The following LRP2 variants were observed in gnomAD, a reference collection of about 807,000 sequenced individuals.
The protein encoded by LRP2 is low-density lipoprotein receptor-related protein 2.
In LRP2, 172 loss-of-function variants were observed where a neutral mutation model predicts 531.0. The observed-to-expected ratio is 0.32, with a 90% confidence interval of 0.29 to 0.37. The LOEUF (loss-of-function observed/expected upper bound fraction) is 0.37. LRP2 is among the 10% of genes least tolerant of loss of function. LRP2 has a pLI of 1.00. For missense variants in LRP2, 5,167 were observed against 5,868.3 expected (o/e 0.88, Z 3.90); for synonymous variants, 1,992 against 2,027.6 (o/e 0.98, Z 0.47).
intron 77 of LRP2, among the ~76,000 whole-genome samples, chr2:169,130,979 G>A (rs1558967601): frequency 6.6e-6 from 1 of 152,184 alleles, no homozygotes; most frequent in Non-Finnish European, 1.5e-5. Context: ...TCCTGCACCA[G>A]CTGGGGAAAA....
At chr2:169,235,519 G>A (rs1406755385) in intron 29 of LRP2, among the ~76,000 whole-genome samples, 6 of 152,130 alleles carry the variant, frequency 3.9e-5, no homozygotes, top group South Asian at 4.1e-4. Flanking sequence ...GATCACAGGC[G>A]TGAGCCACCG....
chr2:169,166,918 C>T (rs1686807904), intron 61 of LRP2, among the ~76,000 whole-genome samples: 1 of 152,152 alleles, frequency 6.6e-6, no homozygotes, highest in African/African-American at 2.4e-5. Flanking sequence ...GTATCACACA[C>T]AGGGATCAAG....
chr2:169,294,068 C>T (rs187905460), intron 6 of LRP2, 80 bp downstream of exon 6: 32 of 941,370 alleles, frequency 3.4e-5, no homozygotes, highest in South Asian at 3.9e-5. Context: ...GGTGGGGGAG[C>T]GGGGGGATAA....
intron 63 of LRP2, among the ~76,000 whole-genome samples, chr2:169,157,957 T>TAAATAAATAAAAA (rs568534822): frequency 6.9e-6 from 1 of 145,974 alleles, no homozygotes; most frequent in African/African-American, 2.5e-5. Context: ...AATAAATAAA[T>TAAATAAATAAAAA]AAAAGACATG....
chr2:169,199,584 A>C (rs1428402142), intron 44 of LRP2, among the ~76,000 whole-genome samples: 1 of 152,212 alleles, frequency 6.6e-6, no homozygotes, highest in Non-Finnish European at 1.5e-5. Context: ...TATTTTGTAC[A>C]AATAAAATCA....
In LRP2 at chr2:169,358,228, C is replaced by T. The variant is rs1050725526; in HGVS notation, c.79+4093G>A. 2.0e-5 allele frequency among the ~76,000 whole-genome samples: 3 copies of T among 152,150 alleles called. 1 individual carries two copies. The highest frequency in any genetic ancestry group is 2.0e-4 in the Admixed American group (3 of 15,268). Reference sequence around the variant, plus strand: ...AGAAGGCATGAATCTAAAAAATGGTCCACTGCAAATTTATATCTTAGCTCT... The same window carrying T: ...AGAAGGCATGAATCTAAAAAATGGTTCACTGCAAATTTATATCTTAGCTCT... On this transcript the variant is annotated intron_variant, in intron 1 of 78. Coordinates refer to ENST00000649046, the MANE Select transcript of LRP2 (RefSeq NM_004525.3).
intron 19 of LRP2, 114 bp downstream of exon 19, chr2:169,255,990 TCA>T: frequency 9.2e-7 from 1 of 1,087,926 alleles, no homozygotes; most frequent in African/African-American, 1.6e-5. Context: ...TTAAATTTTT[TCA>T]TTTTAAAGTG....
Position 169,172,001 on chromosome 2 carries a change from C to G in LRP2, c.11263+14G>C. On this transcript the variant is annotated intron_variant, in intron 58 of 78. Transcript: ENST00000649046. Reference sequence around the variant, plus strand: ...CTGGTGGTATATAAGGACCATAGGACTGTGAACACTCACCACAGTTTTCCT... The same window carrying G: ...CTGGTGGTATATAAGGACCATAGGAGTGTGAACACTCACCACAGTTTTCCT... 4 of 1,613,998 alleles carry G rather than the reference C, an allele frequency of 2.5e-6. No individual in the cohort carries two copies. The highest frequency in any genetic ancestry group is 2.5e-6 in the Non-Finnish European group (3 of 1,179,922).
In LRP2 at chr2:169,244,986, T is replaced by C. The variant is rs1689951556; in HGVS notation, c.3191-54A>G. 3.1e-6 allele frequency: 5 copies of C among 1,608,124 alleles called. No individual in the cohort carries two copies. In the Admixed American group the frequency reaches 6.7e-5, roughly 21 times the overall value. ...ACATTTGTTTTTACAGCCTTTTAAATGAGTTCTTGCCTTATAAAGGCTCAG... is the reference window on the plus strand; with the variant it reads ...ACATTTGTTTTTACAGCCTTTTAAACGAGTTCTTGCCTTATAAAGGCTCAG... On this transcript the variant is annotated intron_variant, in intron 21 of 78. Coordinates refer to ENST00000649046, the MANE Select transcript of LRP2 (RefSeq NM_004525.3).
At chr2:169,142,337 T>C (rs866321756) in intron 71 of LRP2, among the ~76,000 whole-genome samples, 5 of 152,272 alleles carry the variant, frequency 3.3e-5, no homozygotes, top group Non-Finnish European at 2.9e-5. Flanking sequence ...TAAGGTTGAG[T>C]GGATTCTGGG....
At chr2:169,310,795 C>A (rs914033566) in intron 3 of LRP2, among the ~76,000 whole-genome samples, 7 of 152,154 alleles carry the variant, frequency 4.6e-5, no homozygotes, top group Non-Finnish European at 8.8e-5. Flanking sequence ...CCTCCTTGTA[C>A]CTCTGGTAGA....
chr2:169,317,395 C>T (rs149990244), intron 3 of LRP2, among the ~76,000 whole-genome samples: 59 of 152,308 alleles, frequency 3.9e-4, no homozygotes, highest in Middle Eastern at 3.4e-3. Flanking sequence ...TTAAGAACCT[C>T]CTCTCTGCCT....
intron 36 of LRP2, among the ~76,000 whole-genome samples, chr2:169,212,560 T>C (rs950157085): frequency 3.3e-5 from 5 of 152,058 alleles, no homozygotes; most frequent in African/African-American, 1.2e-4. Context: ...AATAATGTGA[T>C]TTTTTTTAAA....
chr2:169,157,864 A>G (rs1206169981), intron 63 of LRP2, among the ~76,000 whole-genome samples: 1 of 151,730 alleles, frequency 6.6e-6, no homozygotes, highest in Non-Finnish European at 1.5e-5. Context: ...AAATAGATAG[A>G]TCAATAGATA....
Position 169,198,146 on chromosome 2 carries a change from G to C in LRP2, c.8578+640C>G, listed in dbSNP as rs190138876. ...TTTCAGTTACTGGTCAGGCACGGTG[G>C]CTCATACTTGTAATCCCAGCACTTT... On this transcript the variant is annotated intron_variant, in intron 45 of 78. Transcript: ENST00000649046. Among the ~76,000 whole-genome samples, 10 of 152,288 alleles carry C rather than the reference G, an allele frequency of 6.6e-5. No homozygotes were observed. In the East Asian group the frequency reaches 1.7e-3, roughly 26 times the overall value.
intron 62 of LRP2, 26 bp from the exon 63 acceptor site, chr2:169,162,626 C>T (rs922902889): frequency 1.9e-6 from 3 of 1,613,206 alleles, no homozygotes; most frequent in Non-Finnish European, 2.5e-6. Context: ...AAGTTAAAAT[C>T]AAAACTTTTT....
chr2:169,167,566 A>C (rs981836865), intron 61 of LRP2, among the ~76,000 whole-genome samples: 2 of 152,120 alleles, frequency 1.3e-5, no homozygotes, highest in African/African-American at 2.4e-5. Flanking sequence ...CACTTTGGGG[A>C]AAGAGCTCAA....
At chr2:169,233,963 C>T (rs1037847965) in intron 29 of LRP2, among the ~76,000 whole-genome samples, 3 of 152,294 alleles carry the variant, frequency 2.0e-5, no homozygotes, top group Non-Finnish European at 2.9e-5. Flanking sequence ...CCCACTCCCA[C>T]GCCCCAGCCT....
chr2:169,292,124 C>T (rs1222922522), intron 7 of LRP2, 129 bp downstream of exon 7: 1 of 757,190 alleles, frequency 1.3e-6, no homozygotes, highest in Admixed American at 1.9e-5. Flanking sequence ...CCTAAACAAC[C>T]CCTTCAACTC....
Sources: gnomAD v4.1 joint callset for allele counts (sites outside exome capture counted in the v4.1 genomes callset) on GRCh38, gnomAD v4.1.1 for gene constraint, MANE v1.5 for transcripts, NCBI Gene and HGNC (gene_info 2026-07-23, HGNC 2026-07-21) for gene names.